GOT1: variants seen among roughly 807,000 people sequenced by gnomAD.
GOT1 encodes the protein glutamic-oxaloacetic transaminase 1, also known as aspartate aminotransferase, cytoplasmic.
Under a neutral mutation model 48.2 loss-of-function variants are expected in GOT1, and 25 were observed. The observed-to-expected ratio is 0.52, with a 90% CI of 0.38 to 0.72. GOT1 has a LOEUF of 0.72. Among genes scored for constraint, GOT1 ranks in the 30% least tolerant of loss-of-function variants. The pLI, the probability that GOT1 is intolerant of heterozygous loss-of-function variation, is 0.00. For synonymous variants in GOT1, 188 were observed against 193.8 expected, an observed-to-expected ratio of 0.97 and a Z score of 0.25; for missense variants, 380 against 520.1, an observed-to-expected ratio of 0.73 and a Z score of 2.62.
At chr10:99,399,671 G>C (rs1448499559) in intron 8 of GOT1, among the ~76,000 whole-genome samples, 1 of 152,148 alleles carries the variant, frequency 6.6e-6, no homozygotes, top group Non-Finnish European at 1.5e-5. Flanking sequence ...TACTACGAAG[G>C]CTGAGGTGGG....
At chr10:99,415,426 G>A (rs187773888) in intron 2 of GOT1, among the ~76,000 whole-genome samples, 3 of 152,248 alleles carry the variant, frequency 2.0e-5, no homozygotes, top group Admixed American at 6.5e-5. Flanking sequence ...CCAATAACAG[G>A]AGCTGAAATT....
At chr10:99,402,974 T>G (rs562896183) in intron 7 of GOT1, among the ~76,000 whole-genome samples, 1 of 152,272 alleles carries the variant, frequency 6.6e-6, no homozygotes, top group South Asian at 2.1e-4. Flanking sequence ...ACACTCACAT[T>G]TCAACTCAGG....
intron 1 of GOT1, among the ~76,000 whole-genome samples, chr10:99,427,777 C>T (rs913761899): frequency 6.6e-6 from 1 of 152,294 alleles, no homozygotes; most frequent in Middle Eastern, 3.4e-3. Context: ...TGGGCAGAGA[C>T]TCTGAGGCCT....
chr10:99,414,048 GCAGCTAA>G (rs1311903287), intron 2 of GOT1, among the ~76,000 whole-genome samples: 2 of 152,044 alleles, frequency 1.3e-5, no homozygotes, highest in Admixed American at 6.6e-5. Context: ...AGCAAAATAA[GCAGCTAA>G]CATCATAATA....
At chr10:99,405,261 G>T (rs1205219619) in intron 5 of GOT1, among the ~76,000 whole-genome samples, 7 of 151,880 alleles carry the variant, frequency 4.6e-5, no homozygotes, top group Admixed American at 1.3e-4. Flanking sequence ...TTACGCCAAA[G>T]AAATAATAAA....
chr10:99,413,702 T>A (rs1286533916), intron 2 of GOT1, among the ~76,000 whole-genome samples: 2 of 152,172 alleles, frequency 1.3e-5, no homozygotes, highest in Admixed American at 1.3e-4. Flanking sequence ...AAGGTCGGGT[T>A]ACCCACAAAG....
intron 8 of GOT1, among the ~76,000 whole-genome samples, chr10:99,400,614 G>C (rs538388221): frequency 6.6e-6 from 1 of 151,476 alleles, no homozygotes; most frequent in South Asian, 2.1e-4. Context: ...TCCACCCTGG[G>C]TGACAGAGCG....
At chr10:99,407,675 G>A (rs185104546) in intron 2 of GOT1, among the ~76,000 whole-genome samples, 21 of 152,064 alleles carry the variant, frequency 1.4e-4, no homozygotes, top group Admixed American at 1.2e-3. Context: ...CTTGTGATCT[G>A]CCTGCCTTGG....
At chr10:99,421,931 T>C (rs2032973933) in intron 1 of GOT1, among the ~76,000 whole-genome samples, 1 of 152,200 alleles carries the variant, frequency 6.6e-6, no homozygotes, top group South Asian at 2.1e-4. Flanking sequence ...GTGTTGATTG[T>C]AGAAAATTGG....
rs199899524 is a variant in GOT1, at chr10:99,400,796, C to T, written c.1102+1784G>A. Among the ~76,000 whole-genome samples, 9 of 152,252 alleles carry T rather than the reference C, an allele frequency of 5.9e-5. No homozygotes were observed. The East Asian group carries it at 1.7e-3, about 29-fold the overall frequency. On this transcript the variant is annotated intron_variant, in intron 8 of 8. Transcript: ENST00000370508. Reference sequence around the variant, plus strand: ...TCTCTACTAAAAATACAAAAATTAGCTGGGTGTGGTGGCTCATGCCTGTAG... The same window carrying T: ...TCTCTACTAAAAATACAAAAATTAGTTGGGTGTGGTGGCTCATGCCTGTAG...
At chr10:99,404,195 G>A (rs1283422678) in intron 5 of GOT1, among the ~76,000 whole-genome samples, 4 of 152,188 alleles carry the variant, frequency 2.6e-5, no homozygotes, top group Non-Finnish European at 4.4e-5. Flanking sequence ...TCTGGCGTGA[G>A]AGCCTTAGTC....
At chr10:99,399,265 C>T (rs1001446395) in intron 8 of GOT1, among the ~76,000 whole-genome samples, 2 of 152,050 alleles carry the variant, frequency 1.3e-5, no homozygotes, top group Non-Finnish European at 2.9e-5. Context: ...AGACCTTTAC[C>T]GCTATTTTCT....
intron 2 of GOT1, among the ~76,000 whole-genome samples, chr10:99,411,178 G>A (rs954214115): frequency 1.7e-4 from 26 of 152,198 alleles, no homozygotes; most frequent in Admixed American, 2.6e-4. Flanking sequence ...GCCCCAAGTC[G>A]CCTAGAGGCA....
At position 99,405,771 on chromosome 10, in the gene GOT1, A is replaced by G; in HGVS notation, c.627T>C (p.Ile209=). The G allele has an allele frequency of 6.3e-7, 1 of 1,576,538 alleles. No individual in the cohort carries two copies. Among genetic ancestry groups the G allele is most frequent in the Non-Finnish European group, 8.7e-7 (1 of 1,145,650 alleles). ...GGGCAGTTACCTTCATGACAGAAGC[A>G]ATCTGCTTCCACTGCTCCGGAGTTG... is the stretch of plus-strand genomic sequence containing the variant. ...IDPTPEQWKQ[I]ASVMKHRFLF... is the part of the protein sequence containing the mutation. Residue 209 remains isoleucine, a synonymous_variant, in exon 5 of 9, where the codon ATT becomes ATC. Coordinates refer to ENST00000370508, the MANE Select transcript of GOT1 (RefSeq NM_002079.3).
In GOT1 at chr10:99,403,719, CT is replaced by C. The variant is rs1408143399; in HGVS notation, c.793+4del. 1.4e-5 allele frequency: 22 copies of C among 1,614,188 alleles called. No individual in the cohort carries two copies. Among genetic ancestry groups the C allele is most frequent in the Non-Finnish European group, 1.9e-5 (22 of 1,180,026 alleles). ...GGGGCTGTAACTCCTCAGGAGAGCA[CT>C]CACTGTAGAGCCCGAAGTTCTTGGA... On this transcript the variant is annotated splice_donor_region_variant and intron_variant, in intron 6 of 8. Coordinates refer to ENST00000370508, the MANE Select transcript of GOT1 (RefSeq NM_002079.3).
chr10:99,407,432 A>ATTTTTTTTTTTTTT (rs397943359), intron 2 of GOT1, among the ~76,000 whole-genome samples: 2 of 140,390 alleles, frequency 1.4e-5, no homozygotes, highest in African/African-American at 2.6e-5. Context: ...GCTTCCTCTC[A>ATTTTTTTTTTTTTT]TTTTTTTTTT....
intron 2 of GOT1, among the ~76,000 whole-genome samples, chr10:99,411,561 TCC>T: frequency 6.6e-6 from 1 of 152,378 alleles, no homozygotes; most frequent in African/African-American, 2.4e-5. Context: ...CTGTATCCAC[TCC>T]TAGAATTCCT....
At chr10:99,416,580 T>A (rs1208276326) in intron 2 of GOT1, among the ~76,000 whole-genome samples, 6 of 152,222 alleles carry the variant, frequency 3.9e-5, no homozygotes, top group Non-Finnish European at 8.8e-5. Flanking sequence ...TTCACGGAAT[T>A]GGGAAAAACT....
intron 2 of GOT1, among the ~76,000 whole-genome samples, chr10:99,409,129 G>GTT (rs60570617): frequency 6.8e-6 from 1 of 147,998 alleles, no homozygotes; most frequent in African/African-American, 2.5e-5. Context: ...TTTTTTTTGT[G>GTT]TTTTTTTTTT....
Sources: allele counts gnomAD v4.1 joint callset (sites outside exome capture counted in the v4.1 genomes callset), GRCh38; gene constraint gnomAD v4.1.1; transcripts MANE v1.5; gene names NCBI Gene and HGNC (gene_info 2026-07-23, HGNC 2026-07-21).